The following CCDC62 variants were observed in gnomAD, a reference collection of about 807,000 sequenced individuals.
CCDC62 encodes coiled-coil domain containing 62.
CCDC62 carries 72 observed loss-of-function variants against 80.8 expected under a neutral mutation model. The observed-to-expected ratio is 0.89, with a 90% CI of 0.74 to 1.08. The LOEUF is 1.08. CCDC62 is among the 50% of genes least tolerant of loss of function. The pLI, the probability that CCDC62 is intolerant of heterozygous loss-of-function variation, is 0.00. For missense variants in CCDC62, 704 were observed against 809.4 expected (o/e 0.87, Z 1.58); for synonymous variants, 286 against 296.5 (o/e 0.96, Z 0.36).
chr12:122,823,510 G>A, intron 12 of CCDC62, 51 bp downstream of exon 12: 3 of 906,146 alleles, frequency 3.3e-6, no homozygotes, highest in Non-Finnish European at 5.4e-6. Context: ...TATTTAATAA[G>A]TAACTTGGGA....
chr12:122,805,329 AT>A (rs920071002), intron 9 of CCDC62, among the ~76,000 whole-genome samples: 1 of 142,702 alleles, frequency 7.0e-6, no homozygotes, highest in African/African-American at 2.6e-5. Flanking sequence ...TTACCTAATA[AT>A]TTTGTCTTAA....
At chr12:122,800,791 C>T (rs1235065295) in intron 8 of CCDC62, among the ~76,000 whole-genome samples, 4 of 152,110 alleles carry the variant, frequency 2.6e-5, no homozygotes, top group Middle Eastern at 3.4e-3. Flanking sequence ...AGTTGTATTT[C>T]CTAAGATATC....
intron 1 of CCDC62, among the ~76,000 whole-genome samples, chr12:122,775,770 G>A (rs779509751): frequency 6.6e-6 from 1 of 152,138 alleles, no homozygotes; most frequent in Non-Finnish European, 1.5e-5. Context: ...CCACCACCAT[G>A]CCGAGCTAAT....
intron 10 of CCDC62, among the ~76,000 whole-genome samples, chr12:122,812,721 C>CA (rs71085857): frequency 0.012 from 574 of 47,578 alleles, 34 homozygotes; most frequent in African/African-American, 0.06. Context: ...GACTCCGTCT[C>CA]AAAAAAAAAA....
At chr12:122,800,164 C>CTTTTTTT (rs59113229) in intron 8 of CCDC62, among the ~76,000 whole-genome samples, 12 of 104,924 alleles carry the variant, frequency 1.1e-4, no homozygotes, top group Non-Finnish European at 1.5e-4. Flanking sequence ...TGCCCGGCTA[C>CTTTTTTT]TTTTTTTTTT....
At chr12:122,803,987 C>T (rs768629414) in intron 9 of CCDC62, among the ~76,000 whole-genome samples, 41 of 152,164 alleles carry the variant, frequency 2.7e-4, no homozygotes, top group Admixed American at 2.2e-3. Flanking sequence ...CCAGCAGAGA[C>T]GGATGCCAAG....
At chr12:122,792,769 C>T (rs1307464357) in intron 6 of CCDC62, among the ~76,000 whole-genome samples, 1 of 152,174 alleles carries the variant, frequency 6.6e-6, no homozygotes, top group Non-Finnish European at 1.5e-5. Context: ...CCGCCCGCCT[C>T]AGCCTCGCAA....
Position 122,801,591 on chromosome 12 carries a change from TGGATGTA to T in CCDC62, c.1447_1453del (p.Asp483AsnfsTer38), listed in dbSNP as rs770229576. On this transcript the variant is annotated frameshift_variant, in exon 9 of 13. Transcript: ENST00000253079. LOFTEE classifies it high-confidence loss of function. ...CCAAGTTCAAAACATCCAGAAAAGC[TGGATGTA>T]GAATGTCAAGATCAGATGGAAAGGT... 6.2e-7 allele frequency: 1 copy of T among 1,614,132 alleles called. No homozygotes were observed. Among genetic ancestry groups the T allele is most frequent in the African/African-American group, 1.3e-5 (1 of 75,024 alleles).
Position 122,788,777 on chromosome 12 carries a change from C to A in CCDC62, c.518C>A (p.Ala173Glu). The change falls in exon 5 of 13, where the codon GCA (alanine) becomes GAA (glutamate). Residue 173 changes from alanine (A) to glutamate (E), a missense_variant. By Grantham distance (107) the Ala-to-Glu change is moderately radical. Coordinates refer to ENST00000253079, the MANE Select transcript of CCDC62 (RefSeq NM_201435.5). ...TTTTAGGACAAAGATATTATTGAGG[C>A]AGTTAATCACATTGCAGATTGTTCG... ...IKLKDKDIIEAVNHIADCSGK... is the reference protein window; with the variant it reads ...IKLKDKDIIEEVNHIADCSGK... 6.4e-7 allele frequency: 1 copy of A among 1,568,510 alleles called. No individual in the cohort carries two copies. Among genetic ancestry groups the A allele is most frequent in the Non-Finnish European group, 8.6e-7 (1 of 1,163,830 alleles).
intron 10 of CCDC62, among the ~76,000 whole-genome samples, chr12:122,812,769 G>GAAAGAA (rs1429913195): frequency 1.7e-4 from 11 of 65,248 alleles, no homozygotes; most frequent in African/African-American, 6.6e-4. Flanking sequence ...GAGAGAGAGA[G>GAAAGAA]AGAGAGAGAG....
chr12:122,799,317 C>T (rs12297553), intron 8 of CCDC62, among the ~76,000 whole-genome samples: 6,599 of 152,052 alleles, frequency 0.043, 274 homozygotes, highest in East Asian at 0.25. Context: ...TCCATCCATC[C>T]GTCCATCCAT....
intron 10 of CCDC62, among the ~76,000 whole-genome samples, chr12:122,812,771 GAGAGAGAGAAAGAAAGAA>G (rs1313343357): frequency 9.4e-5 from 9 of 95,246 alleles, no homozygotes; most frequent in East Asian, 5.0e-4. Context: ...GAGAGAGAGA[GAGAGAGAGAAAGAAAGAA>G]AGAAAGAAAG....
chr12:122,796,716 T>C (rs1037559428), intron 6 of CCDC62, among the ~76,000 whole-genome samples: 3 of 152,048 alleles, frequency 2.0e-5, no homozygotes, highest in African/African-American at 7.2e-5. Context: ...GGCAACATAG[T>C]GAGACCCCCA....
Position 122,788,818 on chromosome 12 carries a change from C to G in CCDC62, c.559C>G (p.Leu187Val). 1 of 1,606,578 alleles carries G rather than the reference C, an allele frequency of 6.2e-7. No individual in the cohort carries two copies. Among genetic ancestry groups the G allele is most frequent in the Non-Finnish European group, 8.5e-7 (1 of 1,177,614 alleles). Residue 187 changes from leucine (L) to valine (V), a missense_variant, in exon 5 of 13, where the codon CTA (leucine) becomes GTA (valine). By Grantham distance (32) the Leu-to-Val change is conservative. Transcript: ENST00000253079. ...AGATTGTTCGGGTAAATTTAAAATG[C>G]TAGAGCATGCCCTACGTGATGCCAA... ...IADCSGKFKM[L>V]EHALRDAKMA...
In CCDC62 at chr12:122,801,233, G is replaced by A; in HGVS notation, c.1087G>A (p.Val363Ile). ...GGACCAGAAATTTGAAGCCATGTTG[G>A]TTCAGCAAAATAGGTCAGACAAGAG... ...FKDQKFEAML[V>I]QQNRSDKSSC... Residue 363 changes from valine to isoleucine, a missense_variant, in exon 9 of 13, where the codon GTT (valine) becomes ATT (isoleucine). Val to Ile is a conservative substitution (Grantham distance 29, BLOSUM62 3). Coordinates refer to ENST00000253079, the MANE Select transcript of CCDC62 (RefSeq NM_201435.5). The A allele has an allele frequency of 6.2e-7, 1 of 1,614,138 alleles. No homozygotes were observed. The highest frequency in any genetic ancestry group is 8.5e-7 in the Non-Finnish European group (1 of 1,180,020).
rs1435889052 is a variant in CCDC62 at position 122,798,082 on chromosome 12, C to G, written c.862-3C>G. On this transcript the variant is annotated splice_polypyrimidine_tract_variant and splice_region_variant and intron_variant, in intron 7 of 12. Coordinates refer to ENST00000253079, the MANE Select transcript of CCDC62 (RefSeq NM_201435.5). ...CATGTTGATTTGTCAATATCTATGA[C>G]AGATTTATGTAAAACAACAGAGTGA... 7.3e-7 allele frequency: 1 copy of G among 1,367,326 alleles called. No individual in the cohort carries two copies. Among genetic ancestry groups the G allele is most frequent in the South Asian group, 1.2e-5 (1 of 84,032 alleles). The allele number at this position is 1,367,326 out of a possible 1,614,324, so 84.7% of individuals were successfully genotyped here.
At chr12:122,792,209 TTTTTTTTTTTTTGAGACAGGGTC>T in intron 6 of CCDC62, 88 bp downstream of exon 6, 1 of 795,196 alleles carries the variant, frequency 1.3e-6, no homozygotes. Context: ...ATGGTTTTTT[TTTTTTTTTTTTTGAGACAGGGTC>T]TTTTTTGAGA....
Position 122,801,714 on chromosome 12 carries a change from T to C in CCDC62, c.1568T>C (p.Ile523Thr), listed in dbSNP as rs1204734388. The C allele has an allele frequency of 1.9e-6, 3 of 1,614,052 alleles. No individual in the cohort carries two copies. Among genetic ancestry groups the C allele is most frequent in the African/African-American group, 1.3e-5 (1 of 74,920 alleles). ...SKCCHPSNFI[I>T]EAPGHMSDVE... is the part of the protein sequence containing the mutation. ...TGCTGCCACCCGAGTAACTTCATAA[T>C]TGAAGCCCCAGGCCACATGTCTGAC... The change falls in exon 9 of 13, where the codon ATT becomes ACT. Residue 523 changes from isoleucine to threonine, a missense_variant. Ile to Thr is a moderately conservative substitution (Grantham distance 89, BLOSUM62 -1). Coordinates refer to ENST00000253079, the MANE Select transcript of CCDC62 (RefSeq NM_201435.5).
In CCDC62 at chr12:122,814,135, G is replaced by A. The variant is rs535429882; in HGVS notation, c.2001+716G>A. On this transcript the variant is annotated intron_variant, in intron 11 of 12. Coordinates refer to ENST00000253079, the MANE Select transcript of CCDC62 (RefSeq NM_201435.5). Reference sequence around the variant, plus strand: ...CGTCTCTACTAAAAATACAAAATTAGCCGGACATAGTGGCACATGCCTGTA... The same window carrying A: ...CGTCTCTACTAAAAATACAAAATTAACCGGACATAGTGGCACATGCCTGTA... 2.0e-5 allele frequency among the ~76,000 whole-genome samples: 3 copies of A among 151,958 alleles called. No homozygotes were observed. The South Asian group carries it at 6.2e-4, about 32-fold the overall frequency.
Sources: gnomAD v4.1 joint callset for allele counts (sites outside exome capture counted in the v4.1 genomes callset) on GRCh38, gnomAD v4.1.1 for gene constraint, MANE v1.5 for transcripts, NCBI Gene and HGNC (gene_info 2026-07-23, HGNC 2026-07-21) for gene names.